Variants in YARS1 observed in about 807,000 individuals in gnomAD.
The protein encoded by YARS1 is tyrosyl-tRNA synthetase 1.
Under a neutral mutation model 62.2 loss-of-function variants are expected in YARS1, and 36 were observed. The ratio of observed to expected loss-of-function variants is 0.58; its 90% CI spans 0.44 to 0.76. YARS1 has a LOEUF of 0.76. Ranked by LOEUF, YARS1 falls within the 30% of genes least tolerant of loss-of-function variation. The pLI is 0.00. For synonymous variants in YARS1, 234 were observed against 244.9 expected (o/e 0.96, Z 0.42); for missense variants, 524 against 639.8 (o/e 0.82, Z 1.95).
At chr1:32,807,308 A>G (rs950960097) in intron 3 of YARS1, among the ~76,000 whole-genome samples, 4 of 152,096 alleles carry the variant, frequency 2.6e-5, no homozygotes, top group African/African-American at 4.8e-5. Flanking sequence ...CTACCAACCC[A>G]TATCTCTTGT....
rs188671428 is a variant in YARS1, at chr1:32,787,546, G to A, written c.685-471C>T. 9.2e-3 allele frequency among the ~76,000 whole-genome samples: 1,351 copies of A among 147,540 alleles called. 16 individuals carry two copies. The highest frequency in any genetic ancestry group is 0.014 in the Non-Finnish European group (937 of 67,302). On this transcript the variant is annotated intron_variant, in intron 6 of 12. Transcript: ENST00000373477. ...TTTTTTTGAGACGGAGTCTCACTCT[G>A]TTGCCCAGGCTGGAGTGCAGTGGCG...
rs1468183400 is a variant in YARS1 at position 32,817,231 on chromosome 1, G to C, written c.14C>G (p.Pro5Arg). Residue 5 changes from proline (P) to arginine (R), a missense_variant, in exon 1 of 13, where the codon CCC (proline) becomes CGC (arginine). By Grantham distance (103) the Pro-to-Arg change is moderately radical. Coordinates refer to ENST00000373477, the MANE Select transcript of YARS1 (RefSeq NM_003680.4). MGDA[P>R]SPEEKLHLIT... ...AAGGTGCAGTTTCTCTTCAGGGCTGGGAGCGTCCCCCATGGCTCCGCTACC... is the reference window on the plus strand; with the variant it reads ...AAGGTGCAGTTTCTCTTCAGGGCTGCGAGCGTCCCCCATGGCTCCGCTACC... The C allele has an allele frequency of 6.2e-7, 1 of 1,614,158 alleles. No individual in the cohort carries two copies. The highest frequency in any genetic ancestry group is 1.1e-5 in the South Asian group (1 of 91,086).
At chr1:32,807,338 G>A (rs534252165) in intron 3 of YARS1, among the ~76,000 whole-genome samples, 1 of 152,218 alleles carries the variant, frequency 6.6e-6, no homozygotes, top group East Asian at 1.9e-4. Context: ...TCAAGTGGCC[G>A]GGCAGCCAAA....
chr1:32,805,898 G>A (rs568439716), intron 4 of YARS1, among the ~76,000 whole-genome samples: 1 of 152,258 alleles, frequency 6.6e-6, no homozygotes, highest in South Asian at 2.1e-4. Flanking sequence ...GGAGGCGGAG[G>A]TTGCAGTGAG....
chr1:32,780,429 G>A (rs1275773834), intron 10 of YARS1, 151 bp from the exon 11 acceptor site: 6 of 832,176 alleles, frequency 7.2e-6, no homozygotes. Context: ...GTCCCAGACA[G>A]CAGACAGGAG....
intron 4 of YARS1, among the ~76,000 whole-genome samples, chr1:32,799,150 T>C (rs1653697766): frequency 2.0e-5 from 3 of 152,234 alleles, no homozygotes; most frequent in South Asian, 2.1e-4. Context: ...TTTTTCACCA[T>C]GCAGAGGAAA....
At chr1:32,786,322 A>G in intron 8 of YARS1, 40 bp downstream of exon 8, 2 of 1,595,244 alleles carry the variant, frequency 1.3e-6, no homozygotes, top group South Asian at 1.1e-5. Context: ...ATAACAAAAT[A>G]CAGATCTTCA....
chr1:32,780,939 A>G, intron 10 of YARS1, 109 bp downstream of exon 10: 1 of 986,734 alleles, frequency 1.0e-6, no homozygotes. Context: ...CTGACTTGCA[A>G]TATGACCTCA....
At chr1:32,797,717 T>C (rs774546124) in intron 5 of YARS1, 46 bp downstream of exon 5, 1 of 1,502,704 alleles carries the variant, frequency 6.7e-7, no homozygotes, top group South Asian at 1.1e-5. Context: ...CACAGCTGCA[T>C]ACCTCTGAGG....
chr1:32,788,322 T>A (rs1653303687), intron 6 of YARS1, among the ~76,000 whole-genome samples: 1 of 152,196 alleles, frequency 6.6e-6, no homozygotes, highest in African/African-American at 2.4e-5. Flanking sequence ...GCAATTATAG[T>A]TCACTGTAAC....
chr1:32,814,654 T>A (rs772747384), intron 1 of YARS1, among the ~76,000 whole-genome samples: 3 of 152,170 alleles, frequency 2.0e-5, no homozygotes, highest in Admixed American at 6.5e-5. Flanking sequence ...CCTCCCAAAG[T>A]GTTGGGATTA....
intron 4 of YARS1, among the ~76,000 whole-genome samples, chr1:32,805,963 A>AAAATAAAT (rs993541347): frequency 6.6e-6 from 1 of 152,168 alleles, no homozygotes; most frequent in Non-Finnish European, 1.5e-5. Context: ...TTCCGTCTCA[A>AAAATAAAT]AAATAAATAA....
At chr1:32,806,674 A>G in intron 3 of YARS1, 63 bp from the exon 4 acceptor site, 2 of 1,610,514 alleles carry the variant, frequency 1.2e-6, no homozygotes, top group Admixed American at 3.3e-5. Context: ...TTCCTAGGAA[A>G]TCTAAAGCAC....
At chr1:32,811,208 T>C (rs1367186660) in intron 1 of YARS1, 151 bp from the exon 2 acceptor site, 6 of 1,146,726 alleles carry the variant, frequency 5.2e-6, no homozygotes, top group East Asian at 2.3e-5. Flanking sequence ...GCAGATGTGA[T>C]ACCCTACCTT....
chr1:32,816,858 A>C, intron 1 of YARS1: 1 of 509,542 alleles, frequency 2.0e-6, no homozygotes, highest in Non-Finnish European at 3.6e-6. Flanking sequence ...CCCTTCAGAC[A>C]AGCTCTGGCA....
chr1:32,785,814 C>A (rs1336755480), intron 8 of YARS1, among the ~76,000 whole-genome samples: 2 of 151,730 alleles, frequency 1.3e-5, no homozygotes, highest in Non-Finnish European at 2.9e-5. Context: ...GAACTCCTGA[C>A]CTCAGGTGAT....
rs142035566 is a variant in YARS1, at chr1:32,782,432, G to A, written c.1014C>T (p.Ser338=). The change falls in exon 9 of 13, where the codon AGC becomes AGT. Residue 338 remains serine (S), a synonymous_variant. Coordinates refer to ENST00000373477, the MANE Select transcript of YARS1 (RefSeq NM_003680.4). Reference sequence around the variant, plus strand: ...GCTTTGAGGGATCTGGGTAGGCAGCGCTGGCCAGTTTTTTCAGGGCAGGGG... The same window carrying A: ...GCTTTGAGGGATCTGGGTAGGCAGCACTGGCCAGTTTTTTCAGGGCAGGGG... The part of the protein sequence containing the change: ...FNTPALKKLA[S]AAYPDPSKQK... 18 of 1,614,010 alleles carry A rather than the reference G, an allele frequency of 1.1e-5. No individual in the cohort carries two copies. Among genetic ancestry groups the A allele is most frequent in the South Asian group, 2.2e-5 (2 of 91,070 alleles).
Position 32,816,052 on chromosome 1 carries a change from T to C in YARS1, c.57+1136A>G, listed in dbSNP as rs1053998023. Among the ~76,000 whole-genome samples the C allele has an allele frequency of 5.8e-5, 8 of 138,128 alleles. 1 individual carries two copies. In the East Asian group the frequency reaches 1.7e-3, roughly 29 times the overall value. The allele number at this position is 138,128 out of a possible 152,430, so 90.6% of individuals were successfully genotyped here. On this transcript the variant is annotated intron_variant, in intron 1 of 12. Transcript: ENST00000373477. Reference sequence around the variant, plus strand: ...TGAACCTGGGAGGCGGAGGTTGCAATGAGCCGAGATTGGGCCACTGCACTC... The same window carrying C: ...TGAACCTGGGAGGCGGAGGTTGCAACGAGCCGAGATTGGGCCACTGCACTC...
At chr1:32,794,994 C>T (rs1202450168) in intron 5 of YARS1, among the ~76,000 whole-genome samples, 4 of 97,432 alleles carry the variant, frequency 4.1e-5, no homozygotes, top group African/African-American at 1.7e-4. Flanking sequence ...CAGAGCAAGA[C>T]TCTGTCTCAA....
Sources: gnomAD v4.1 joint callset for allele counts (sites outside exome capture counted in the v4.1 genomes callset) on GRCh38, gnomAD v4.1.1 for gene constraint, MANE v1.5 for transcripts, NCBI Gene and HGNC (gene_info 2026-07-23, HGNC 2026-07-21) for gene names.